Variants in PRSS23 observed in about 807,000 individuals in gnomAD.
PRSS23 encodes the protein protease, serine 23.
PRSS23 carries 25 observed loss-of-function variants against 34.7 expected under a neutral mutation model. That is an observed-to-expected ratio of 0.72 (90% CI 0.53 to 1.01). The LOEUF is 1.01. Ranked by LOEUF, PRSS23 falls within the 50% of genes least tolerant of loss-of-function variation. The pLI is 0.00. For missense variants in PRSS23, 445 were observed against 475.6 expected, an observed-to-expected ratio of 0.94 and a Z score of 0.60; for synonymous variants, 176 against 186.6, an observed-to-expected ratio of 0.94 and a Z score of 0.46.
At chr11:86,817,472 T>C (rs1305193320) in intron 1 of PRSS23, among the ~76,000 whole-genome samples, 1 of 152,240 alleles carries the variant, frequency 6.6e-6, no homozygotes, top group African/African-American at 2.4e-5. Flanking sequence ...TATACTTTTA[T>C]TGAAATACCT....
chr11:86,842,867 A>G (rs942280448), intron 2 of PRSS23, among the ~76,000 whole-genome samples: 4 of 152,240 alleles, frequency 2.6e-5, no homozygotes, highest in African/African-American at 9.6e-5. Context: ...TATAGATTCA[A>G]TGCCATTTCC....
At chr11:86,884,047 A>G (rs1391549587) in intron 2 of PRSS23, among the ~76,000 whole-genome samples, 1 of 152,174 alleles carries the variant, frequency 6.6e-6, no homozygotes, top group African/African-American at 2.4e-5. Context: ...GAGATATCCC[A>G]TATCATTAAT....
chr11:86,917,968 T>C (rs980301518), intron 2 of PRSS23, among the ~76,000 whole-genome samples: 1 of 152,218 alleles, frequency 6.6e-6, no homozygotes, highest in Non-Finnish European at 1.5e-5. Context: ...ATTATTTCAA[T>C]AGAATTCAGT....
intron 1 of PRSS23, among the ~76,000 whole-genome samples, chr11:86,794,426 T>A (rs537409534): frequency 4.3e-4 from 66 of 152,294 alleles, no homozygotes; most frequent in African/African-American, 1.5e-3. Flanking sequence ...TACAGGAAAT[T>A]GCAAGTACTC....
At chr11:86,898,382 A>C (rs773312958) in intron 2 of PRSS23, among the ~76,000 whole-genome samples, 1 of 152,228 alleles carries the variant, frequency 6.6e-6, no homozygotes, top group Non-Finnish European at 1.5e-5. Context: ...CCCATAACCC[A>C]TTAGAGTCTA....
At chr11:86,918,016 A>G (rs1010728876) in intron 2 of PRSS23, among the ~76,000 whole-genome samples, 1 of 152,182 alleles carries the variant, frequency 6.6e-6, no homozygotes, top group Non-Finnish European at 1.5e-5. Context: ...GAAGTAAAAC[A>G]TTTACCCACA....
At chr11:86,918,098 G>A (rs1467319084) in intron 2 of PRSS23, among the ~76,000 whole-genome samples, 1 of 152,166 alleles carries the variant, frequency 6.6e-6, no homozygotes, top group African/African-American at 2.4e-5. Flanking sequence ...TTGAATTTTA[G>A]AAAATGTTAA....
rs145992510 is a variant in PRSS23 at position 86,792,389 on chromosome 11, T to C, written c.-14+1194T>C. 2.4e-3 allele frequency among the ~76,000 whole-genome samples: 358 copies of C among 152,314 alleles called. 2 individuals are homozygous for C. The highest frequency in any genetic ancestry group is 7.9e-3 in the African/African-American group (330 of 41,562). On this transcript the variant is annotated intron_variant, in intron 1 of 1. Transcript: ENST00000527521. ...TTCTCCTTTCTGCCTCCTGCCCAGA[T>C]GAGTGATGGCTTCCCACTGCTGCTA...
intron 2 of PRSS23, among the ~76,000 whole-genome samples, chr11:86,882,798 A>C (rs1948780030): frequency 6.6e-6 from 1 of 152,202 alleles, no homozygotes; most frequent in Non-Finnish European, 1.5e-5. Flanking sequence ...ACAATGGTTG[A>C]ACTAATTTAC....
At chr11:86,941,685 C>T (rs558436453) in intron 2 of PRSS23, among the ~76,000 whole-genome samples, 9 of 152,270 alleles carry the variant, frequency 5.9e-5, no homozygotes, top group Admixed American at 5.2e-4. Context: ...AGACTTTCAG[C>T]AAATATTTAA....
At chr11:86,945,742 G>GTGA (rs1171367859) in intron 2 of PRSS23, 1 of 152,610 alleles carries the variant, frequency 6.6e-6, no homozygotes, top group Non-Finnish European at 1.5e-5. Flanking sequence ...TCTTTGTACA[G>GTGA]TGATAAATTA....
chr11:86,919,183 C>T (rs1044094830), intron 2 of PRSS23, among the ~76,000 whole-genome samples: 7 of 152,198 alleles, frequency 4.6e-5, no homozygotes, highest in East Asian at 1.9e-4. Context: ...TCCTTCCATC[C>T]AGCAAATGTT....
chr11:86,951,446 A>G (rs1329697206), exon 3 of PRSS23: 1 of 1,613,622 alleles, frequency 6.2e-7, no homozygotes, highest in Non-Finnish European at 8.5e-7. Context: ...GAACACCCCA[A>G]TCTTGACCAT....
chr11:86,819,168 C>T (rs993262952), intron 1 of PRSS23, among the ~76,000 whole-genome samples: 25 of 152,120 alleles, frequency 1.6e-4, no homozygotes, highest in Admixed American at 5.9e-4. Context: ...GACTCGCTGG[C>T]CTAGACACTT....
intron 2 of PRSS23, among the ~76,000 whole-genome samples, chr11:86,831,185 T>C (rs981202161): frequency 2.0e-5 from 3 of 151,980 alleles, no homozygotes; most frequent in African/African-American, 7.3e-5. Flanking sequence ...GTCACAATGC[T>C]TGTACACCCT....
At chr11:86,858,801 C>A (rs185467020) in intron 2 of PRSS23, among the ~76,000 whole-genome samples, 1 of 150,648 alleles carries the variant, frequency 6.6e-6, no homozygotes, top group Non-Finnish European at 1.5e-5. Context: ...GTGTACACTC[C>A]TCCTATAATA....
In PRSS23 at chr11:86,823,293, C is replaced by T. The variant is rs150991609; in HGVS notation, c.-11-84C>T. 198 of 668,114 alleles carry T rather than the reference C, an allele frequency of 3.0e-4. 1 individual carries two copies. The highest frequency in any genetic ancestry group is 2.4e-3 in the African/African-American group (133 of 56,060). 41.4% of individuals were successfully genotyped at this position (668,114 alleles called of 1,614,324 possible). On this transcript the variant is annotated intron_variant, in intron 1 of 2. Transcript: ENST00000533902. ...CTCATTTTACAGATGAAGAGACTGA[C>T]GGTCCGAGATGTAGAATAGCTAACC...
chr11:86,920,423 A>G (rs1394464267), intron 2 of PRSS23, among the ~76,000 whole-genome samples: 1 of 152,204 alleles, frequency 6.6e-6, no homozygotes, highest in Non-Finnish European at 1.5e-5. Context: ...TTGTCTAATG[A>G]AGAAGAGAGA....
chr11:86,870,640 A>G lies in PRSS23; in HGVS notation c.206+47047A>G, dbSNP rs189938584. On this transcript the variant is annotated intron_variant, in intron 2 of 2. Coordinates refer to the PRSS23 transcript ENST00000533902. ...GGGATTCCAATTACATATACCTTATATCACCTGAAATTGTCCCACAGGTCG... is the reference window on the plus strand; with the variant it reads ...GGGATTCCAATTACATATACCTTATGTCACCTGAAATTGTCCCACAGGTCG... 1.6e-4 allele frequency among the ~76,000 whole-genome samples: 24 copies of G among 152,344 alleles called. No individual in the cohort carries two copies. The East Asian group carries it at 4.4e-3, about 28-fold the overall frequency.
Sources: allele counts gnomAD v4.1 joint callset (sites outside exome capture counted in the v4.1 genomes callset), GRCh38; gene constraint gnomAD v4.1.1; transcripts MANE v1.5; gene names NCBI Gene and HGNC (gene_info 2026-07-23, HGNC 2026-07-21).